GCDH: variants seen among roughly 807,000 people sequenced by gnomAD.
GCDH encodes glutaryl-CoA dehydrogenase, also known as glutaryl-CoA dehydrogenase, mitochondrial.
A neutral mutation model predicts 52.8 loss-of-function variants in GCDH; 31 were observed. The ratio of observed to expected loss-of-function variants is 0.59; its 90% CI spans 0.44 to 0.79. The LOEUF is 0.79. GCDH is among the 30% of genes least tolerant of loss of function. The pLI is 0.00. For synonymous variants in GCDH, 242 were observed against 250.0 expected, an observed-to-expected ratio of 0.97 and a Z score of 0.30; for missense variants, 509 against 595.0, an observed-to-expected ratio of 0.86 and a Z score of 1.50.
intron 5 of GCDH, among the ~76,000 whole-genome samples, chr19:12,893,031 G>A (rs1970595224): frequency 6.6e-6 from 1 of 151,384 alleles, no homozygotes; most frequent in East Asian, 1.9e-4. Flanking sequence ...GATTACAGGG[G>A]TGCACCACCA....
intron 6 of GCDH, chr19:12,895,006 A>G (rs1363485575): frequency 4.1e-6 from 1 of 245,442 alleles, no homozygotes; most frequent in Non-Finnish European, 7.7e-6. Context: ...CCTCCCAGCC[A>G]GACTTAGCTA....
rs1232853709 is a variant in GCDH at position 12,896,503 on chromosome 19, G to A, written c.852+82G>A. 2.2e-5 allele frequency: 23 copies of A among 1,057,352 alleles called. No homozygotes were observed. The highest frequency in any genetic ancestry group is 2.0e-4 in the East Asian group (8 of 39,096). 65.5% of individuals were successfully genotyped at this position (1,057,352 alleles called of 1,614,324 possible). On this transcript the variant is annotated intron_variant, in intron 8 of 11. Coordinates refer to ENST00000222214, the MANE Select transcript of GCDH (RefSeq NM_000159.4). This position sits in a 1 kb window ranked among gnomAD's most constrained non-coding sequence, Gnocchi z 5.5. ...CAGGCAGGCTCCGTGCTGGGGACGC[G>A]GCTCCCTGTGCCTGTGGAGCCCACA...
At chr19:12,892,495 T>C in intron 5 of GCDH, 6 of 420,486 alleles carry the variant, frequency 1.4e-5, no homozygotes, top group South Asian at 1.4e-4. Flanking sequence ...TTTCACTGTG[T>C]TGGCCAGGCT....
In GCDH at chr19:12,896,149, G is replaced by A; in HGVS notation, c.635+28G>A. 6.2e-7 allele frequency: 1 copy of A among 1,614,116 alleles called. No homozygotes were observed. The highest frequency in any genetic ancestry group is 8.5e-7 in the Non-Finnish European group (1 of 1,180,012). On this transcript the variant is annotated intron_variant, in intron 7 of 11. Transcript: ENST00000222214. This position sits in a 1 kb window ranked among gnomAD's most constrained non-coding sequence, Gnocchi z 5.5. ...AAGGGTTCTGGGTGGTGGGCAGGTG[G>A]TGAACAGGGGCAAAGGGGCACTGGT...
intron 2 of GCDH, 34 bp downstream of exon 2, chr19:12,891,429 G>A (rs369789314): frequency 9.6e-5 from 155 of 1,614,088 alleles, no homozygotes; most frequent in Middle Eastern, 1.6e-4. Flanking sequence ...GAGGGAAGGA[G>A]GGAGGAACTG....
At chr19:12,899,345 C>T (rs970696781) in intron 11 of GCDH, 123 bp from the exon 12 acceptor site, 2 of 1,613,814 alleles carry the variant, frequency 1.2e-6, no homozygotes, top group Non-Finnish European at 1.7e-6. Context: ...CAGCTGTCAG[C>T]ATTCACCATC....
intron 11 of GCDH, among the ~76,000 whole-genome samples, chr19:12,898,539 G>A (rs912439246): frequency 1.3e-5 from 2 of 151,230 alleles, no homozygotes; most frequent in African/African-American, 4.9e-5. Context: ...GGGGTGGGGG[G>A]ATCCTACAAA....
intron 10 of GCDH, 99 bp downstream of exon 10, chr19:12,897,527 G>C: frequency 6.7e-7 from 1 of 1,495,546 alleles, no homozygotes; most frequent in Non-Finnish European, 9.3e-7. Context: ...GTGGCCCTGG[G>C]GACCTGAACC....
Position 12,899,560 on chromosome 19 carries a change from CG to C in GCDH, c.*20del, listed in dbSNP as rs768284695. 8 of 1,613,924 alleles carry C rather than the reference CG, an allele frequency of 5.0e-6. No individual in the cohort carries two copies. The East Asian group carries it at 1.6e-4, about 31-fold the overall frequency. On this transcript the variant is annotated 3_prime_UTR_variant, in exon 12 of 12. Coordinates refer to ENST00000222214, the MANE Select transcript of GCDH (RefSeq NM_000159.4). ...CAAGTGAGCCGCTCCATCAGGGGCC[CG>C]AAACTCTCAAGCCCCTTTCTGGAGA...
Position 12,896,794 on chromosome 19 carries a change from T to C in GCDH, c.853-116T>C. On this transcript the variant is annotated intron_variant, in intron 8 of 11. Transcript: ENST00000222214. The surrounding 1 kb of genome is among the most constrained non-coding windows in gnomAD (Gnocchi z 5.5). ...GCCATCTGTGATGTGAACCACAACC[T>C]GAGTCCCCCTGCGTGGGGTGGCTGG... The C allele has an allele frequency of 1.3e-6, 1 of 746,918 alleles. No individual in the cohort carries two copies. Among genetic ancestry groups the C allele is most frequent in the East Asian group, 2.7e-5 (1 of 37,480 alleles). 46.3% of individuals were successfully genotyped at this position (746,918 alleles called of 1,614,324 possible).
chr19:12,891,988 T>G lies in GCDH; in HGVS notation c.271+14T>G. 1 of 1,614,210 alleles carries G rather than the reference T, an allele frequency of 6.2e-7. No homozygotes were observed. Among genetic ancestry groups the G allele is most frequent in the Admixed American group, 1.7e-5 (1 of 60,028 alleles). On this transcript the variant is annotated intron_variant, in intron 4 of 11. Transcript: ENST00000222214. The stretch of plus-strand genomic sequence containing the variant: ...ATCGCAACGAAGGTGGGCGGGCTGG[T>G]GGGTGCCCTGAGACTGCTCCTCCGC...
intron 6 of GCDH, chr19:12,894,814 CGT>C: frequency 1.6e-6 from 1 of 636,140 alleles, no homozygotes. Context: ...AGGGACAAAT[CGT>C]GAAGAGACGC....
rs1176724285 is a variant in GCDH, at chr19:12,891,262, C to T, written c.-34-9C>T. 1 of 1,533,258 alleles carries T rather than the reference C, an allele frequency of 6.5e-7. No homozygotes were observed. The highest frequency in any genetic ancestry group is 1.7e-5 in the Admixed American group (1 of 58,650). The allele number at this position is 1,533,258 out of a possible 1,614,324, so 95.0% of individuals were successfully genotyped here. ...GAGGAGCTCCGCTCTGACACCCCCG[C>T]TCCTGTAGGTCGCCGTCGTTGCTCC... On this transcript the variant is annotated splice_polypyrimidine_tract_variant and intron_variant, in intron 1 of 11. Transcript: ENST00000222214.
chr19:12,891,769 G>A, intron 3 of GCDH, 62 bp from the exon 4 acceptor site: 3 of 1,610,836 alleles, frequency 1.9e-6, no homozygotes, highest in Non-Finnish European at 2.5e-6. Flanking sequence ...GGCTGATGAG[G>A]GTCCGAGAAG....
chr19:12,894,416 G>A (rs879160105), intron 6 of GCDH: 2 of 752,084 alleles, frequency 2.7e-6, no homozygotes, highest in Non-Finnish European at 5.0e-6. Flanking sequence ...AGAAAGAGAA[G>A]ATCAGTTCAT....
rs555509244 is a variant in GCDH at position 12,897,172 on chromosome 19, C to T, written c.957-131C>T. ...TCTGAGCAGCTGTGGGCTGAGTCAA[C>T]GGCAGGGCCAGGGCAAGCTTGGGGG... On this transcript the variant is annotated intron_variant, in intron 9 of 11. Coordinates refer to ENST00000222214, the MANE Select transcript of GCDH (RefSeq NM_000159.4). The T allele has an allele frequency of 1.0e-4, 134 of 1,311,194 alleles. No individual in the cohort carries two copies. In the South Asian group the frequency reaches 1.4e-3, roughly 14 times the overall value. The allele number at this position is 1,311,194 out of a possible 1,614,324, so 81.2% of individuals were successfully genotyped here.
At position 12,896,764 on chromosome 19, in the gene GCDH, C is replaced by T; in HGVS notation, c.853-146C>T. On this transcript the variant is annotated intron_variant, in intron 8 of 11. Transcript: ENST00000222214. This position sits in a 1 kb window ranked among gnomAD's most constrained non-coding sequence, Gnocchi z 5.5. ...AGTGAGCAGGCACCGAGCTTCAGTGCCAGGGCCATCTGTGATGTGAACCAC... is the reference window on the plus strand; with the variant it reads ...AGTGAGCAGGCACCGAGCTTCAGTGTCAGGGCCATCTGTGATGTGAACCAC... 1.4e-6 allele frequency: 1 copy of T among 701,682 alleles called. No individual in the cohort carries two copies. 43.5% of individuals were successfully genotyped at this position (701,682 alleles called of 1,614,324 possible). A position where few individuals can be genotyped will look rare whatever the true frequency, so the allele number is the denominator to read the frequency against.
intron 5 of GCDH, 58 bp downstream of exon 5, chr19:12,892,236 C>G (rs1970576200): frequency 1.5e-6 from 2 of 1,306,408 alleles, no homozygotes; most frequent in Non-Finnish European, 1.1e-6. Flanking sequence ...AAAGCCTCTT[C>G]CTCCTTCCCT....
chr19:12,892,620 TTG>T (rs1468097782), intron 5 of GCDH, among the ~76,000 whole-genome samples: 4 of 151,908 alleles, frequency 2.6e-5, no homozygotes, highest in African/African-American at 9.7e-5. Context: ...TTCGCTCTTG[TTG>T]TCCAGGCTGG....
Sources: gnomAD v4.1 joint callset for allele counts (sites outside exome capture counted in the v4.1 genomes callset) on GRCh38, gnomAD v4.1.1 for gene constraint, Gnocchi (gnomAD v3.1) non-coding constraint, MANE v1.5 for transcripts, NCBI Gene and HGNC (gene_info 2026-07-23, HGNC 2026-07-21) for gene names.